The following FBN2 variants were observed in gnomAD, a reference collection of about 807,000 sequenced individuals.
The protein encoded by FBN2 is fibrillin-2.
FBN2 carries 105 observed loss-of-function variants against 355.6 expected under a neutral mutation model. That is an observed-to-expected ratio of 0.30 (90% CI 0.25 to 0.35). The LOEUF is 0.35. Among genes scored for constraint, FBN2 ranks in the 10% least tolerant of loss-of-function variants. FBN2 has a pLI of 1.00. For synonymous variants in FBN2, 1,350 were observed against 1,301.2 expected, an observed-to-expected ratio of 1.04 and a Z score of -0.81; for missense variants, 3,280 against 3,758.7, an observed-to-expected ratio of 0.87 and a Z score of 3.33.
chr5:128,436,293 C>T (rs1227216045), intron 7 of FBN2, among the ~76,000 whole-genome samples: 8 of 152,284 alleles, frequency 5.3e-5, no homozygotes, highest in South Asian at 4.1e-4. Context: ...TTGGATGTGA[C>T]GTTTCCATTT....
rs77493726 is a variant in FBN2, at chr5:128,364,594, A to T, written c.2428+6T>A. On this transcript the variant is annotated splice_donor_region_variant and intron_variant, in intron 18 of 64. Coordinates refer to ENST00000262464, the MANE Select transcript of FBN2 (RefSeq NM_001999.4). ...TGTTCTTGCATAAATATAACAAATA[A>T]CTTACCAATACAGTTTCTTCCAGAG... The T allele has an allele frequency of 3.7e-4, 598 of 1,612,852 alleles. 1 individual carries two copies. In the African/African-American group the frequency reaches 7.5e-3, roughly 20 times the overall value.
intron 4 of FBN2, among the ~76,000 whole-genome samples, chr5:128,519,708 T>C (rs944065021): frequency 1.1e-4 from 16 of 151,922 alleles, no homozygotes; most frequent in African/African-American, 3.9e-4. Flanking sequence ...TCTGTACTAC[T>C]AACCCTATAA....
At chr5:128,473,720 C>T (rs11949017) in intron 5 of FBN2, among the ~76,000 whole-genome samples, 18,386 of 152,192 alleles carry the variant, frequency 0.12, 1,249 homozygotes, top group African/African-American at 0.18. Context: ...TTCCTAACTC[C>T]CAATTACCAT....
chr5:128,412,263 C>G (rs1753088867), intron 7 of FBN2, among the ~76,000 whole-genome samples: 1 of 152,182 alleles, frequency 6.6e-6, no homozygotes, highest in South Asian at 2.1e-4. Context: ...TCAACTAGGC[C>G]TTCCTCTGTA....
chr5:128,364,976 C>T (rs147484592), intron 17 of FBN2, among the ~76,000 whole-genome samples: 5 of 152,014 alleles, frequency 3.3e-5, no homozygotes, highest in African/African-American at 7.2e-5. Flanking sequence ...AGTTAAATCA[C>T]GAAATATGCC....
intron 4 of FBN2, among the ~76,000 whole-genome samples, chr5:128,525,371 A>ATACTGTG (rs1756535749): frequency 6.6e-6 from 1 of 152,180 alleles, no homozygotes; most frequent in South Asian, 2.1e-4. Flanking sequence ...CTTTTTATGA[A>ATACTGTG]TACTGTGTTC....
At chr5:128,490,910 C>T (rs1755485197) in intron 5 of FBN2, among the ~76,000 whole-genome samples, 1 of 152,118 alleles carries the variant, frequency 6.6e-6, no homozygotes, top group Non-Finnish European at 1.5e-5. Flanking sequence ...ACCAGTAATG[C>T]AGAATTTTTG....
At position 128,537,611 on chromosome 5, in the gene FBN2, G is replaced by A. The variant is rs1487615694; in HGVS notation, c.-8C>T. The A allele has an allele frequency of 6.2e-7, 1 of 1,605,922 alleles. No homozygotes were observed. On this transcript the variant is annotated 5_prime_UTR_variant, in exon 1 of 65. Transcript: ENST00000262464. ...CCTCCGTCTTCTCCCCATCGCCGGC[G>A]CCGAAAGCGCGCGGCCGTAGACCCG...
intron 7 of FBN2, 87 bp from the exon 8 acceptor site, chr5:128,408,886 G>A: frequency 6.9e-7 from 1 of 1,445,298 alleles, no homozygotes. Flanking sequence ...GAGTATGAGA[G>A]CATTCATGGT....
chr5:128,420,795 C>G (rs79118337), intron 7 of FBN2, among the ~76,000 whole-genome samples: 1 of 152,136 alleles, frequency 6.6e-6, no homozygotes, highest in Non-Finnish European at 1.5e-5. Flanking sequence ...TTCATGAACT[C>G]ATTAAGTAAT....
intron 59 of FBN2, among the ~76,000 whole-genome samples, chr5:128,275,584 T>C (rs1765373412): frequency 6.6e-6 from 1 of 152,138 alleles, no homozygotes; most frequent in South Asian, 2.1e-4. Context: ...GTATTGAAAC[T>C]ATTTTAATGA....
At chr5:128,444,310 G>A (rs967372160) in intron 7 of FBN2, among the ~76,000 whole-genome samples, 1 of 151,070 alleles carries the variant, frequency 6.6e-6, no homozygotes. Flanking sequence ...CTGACCTCAA[G>A]ATCCACCCGC....
intron 37 of FBN2, 64 bp downstream of exon 37, chr5:128,312,570 T>C (rs1750083395): frequency 6.3e-7 from 1 of 1,590,158 alleles, no homozygotes; most frequent in Non-Finnish European, 8.6e-7. Flanking sequence ...AGCTCAGGAA[T>C]AAAATGGCAA....
At position 128,350,945 on chromosome 5, in the gene FBN2, T is replaced by C; in HGVS notation, c.2735A>G (p.Asn912Ser). 6.2e-7 allele frequency: 1 copy of C among 1,614,128 alleles called. No homozygotes were observed. Among genetic ancestry groups the C allele is most frequent in the Non-Finnish European group, 8.5e-7 (1 of 1,180,012 alleles). The change falls in exon 21 of 65, where the codon AAT becomes AGT. Residue 912 changes from asparagine (N) to serine (S), a missense_variant. Asn to Ser is a conservative substitution (Grantham distance 46, BLOSUM62 1). Around this residue, in one of 6 missense-constraint regions of FBN2, gnomAD observed 2,284 missense variants for 2,749.5 expected, o/e 0.83. Transcript: ENST00000262464. ...GCATTCAGATTTCAGAGTGGCTCCA[T>C]TAATATTCACCTCACAGCGGCTGTC... ...IQDSRCEVNI[N>S]GATLKSECCA...
intron 5 of FBN2, among the ~76,000 whole-genome samples, chr5:128,496,404 C>T (rs1165794820): frequency 1.3e-5 from 2 of 151,836 alleles, no homozygotes; most frequent in African/African-American, 2.4e-5. Flanking sequence ...ACCATATCAA[C>T]AGAATAAAGG....
chr5:128,286,628 G>T, intron 55 of FBN2, 90 bp downstream of exon 55: 1 of 1,466,334 alleles, frequency 6.8e-7, no homozygotes, highest in Non-Finnish European at 9.6e-7. Context: ...AAAAGAGTTG[G>T]CTTGCAGTTA....
At chr5:128,319,040 G>T in intron 34 of FBN2, 39 bp from the exon 35 acceptor site, 1 of 1,532,926 alleles carries the variant, frequency 6.5e-7, no homozygotes, top group Non-Finnish European at 9.0e-7. Flanking sequence ...TATTTAAGAA[G>T]ACATTTTAAA....
intron 5 of FBN2, among the ~76,000 whole-genome samples, chr5:128,512,512 C>CAAAAAAA (rs1158661549): frequency 3.3e-5 from 2 of 60,678 alleles, no homozygotes; most frequent in African/African-American, 6.4e-5. Flanking sequence ...GAACCCGTCT[C>CAAAAAAA]AAAAAAAAAA....
intron 23 of FBN2, 66 bp downstream of exon 23, chr5:128,349,281 C>CA: frequency 6.3e-7 from 1 of 1,594,754 alleles, no homozygotes; most frequent in Non-Finnish European, 8.6e-7. Flanking sequence ...TTGGACTAGC[C>CA]ACTGCTTAAA....
Sources: gnomAD v4.1 joint callset for allele counts (sites outside exome capture counted in the v4.1 genomes callset) on GRCh38, gnomAD v4.1.1 for gene constraint, gnomAD v4.1.1 regional missense constraint, MANE v1.5 for transcripts, NCBI Gene and HGNC (gene_info 2026-07-23, HGNC 2026-07-21) for gene names.